Variants in MACROD2 observed in about 807,000 individuals in gnomAD.
The protein encoded by MACROD2 is mono-ADP ribosylhydrolase 2.
A neutral mutation model predicts 70.4 loss-of-function variants in MACROD2; 36 were observed. The ratio of observed to expected loss-of-function variants is 0.51; its 90% CI spans 0.39 to 0.68. MACROD2 has a LOEUF of 0.68. Ranked by LOEUF, MACROD2 falls within the 30% of genes least tolerant of loss-of-function variation. MACROD2 has a pLI of 0.00. For synonymous variants in MACROD2, 172 were observed against 178.8 expected (o/e 0.96, Z 0.30); for missense variants, 496 against 538.4 (o/e 0.92, Z 0.78).
chr20:15,466,404 T>A (rs1210311448), intron 7 of MACROD2, among the ~76,000 whole-genome samples: 2 of 152,182 alleles, frequency 1.3e-5, no homozygotes, highest in Non-Finnish European at 2.9e-5. Flanking sequence ...CAGCCATTGG[T>A]ATGGGGCAAA....
At chr20:14,585,623 C>G (rs1041379852) in intron 4 of MACROD2, among the ~76,000 whole-genome samples, 1 of 151,874 alleles carries the variant, frequency 6.6e-6, no homozygotes, top group Non-Finnish European at 1.5e-5. Context: ...GTAACTACTG[C>G]CAATAATCAA....
chr20:14,952,336 A>G (rs2074482695), intron 5 of MACROD2, among the ~76,000 whole-genome samples: 1 of 152,176 alleles, frequency 6.6e-6, no homozygotes, highest in South Asian at 2.1e-4. Context: ...AATAGTTCAA[A>G]GGAAATACAG....
intron 3 of MACROD2, among the ~76,000 whole-genome samples, chr20:14,283,503 T>C (rs1409055208): frequency 6.6e-6 from 1 of 152,220 alleles, no homozygotes; most frequent in Non-Finnish European, 1.5e-5. Flanking sequence ...GCCTTGGTTT[T>C]GCACTTACAG....
intron 3 of MACROD2, among the ~76,000 whole-genome samples, chr20:14,217,964 C>T (rs897086012): frequency 1.4e-4 from 22 of 152,026 alleles, no homozygotes; most frequent in South Asian, 8.3e-4. Flanking sequence ...AAGTTCCACG[C>T]GCTGTTGAAT....
chr20:14,191,223 G>A (rs1043206475), intron 3 of MACROD2, among the ~76,000 whole-genome samples: 8 of 152,166 alleles, frequency 5.3e-5, no homozygotes, highest in African/African-American at 1.7e-4. Context: ...CTCAGACACA[G>A]AAGCTCTACT....
chr20:14,725,816 C>G (rs1223963695), intron 5 of MACROD2, among the ~76,000 whole-genome samples: 1 of 152,116 alleles, frequency 6.6e-6, no homozygotes, highest in Non-Finnish European at 1.5e-5. Context: ...GAGGGCTGCT[C>G]TCTGGTGAGT....
intron 7 of MACROD2, among the ~76,000 whole-genome samples, chr20:15,489,428 C>T (rs950705436): frequency 6.6e-6 from 1 of 152,286 alleles, no homozygotes; most frequent in Non-Finnish European, 1.5e-5. Flanking sequence ...CAAATTTACA[C>T]GCTCCAGTCA....
intron 5 of MACROD2, among the ~76,000 whole-genome samples, chr20:15,130,051 A>G (rs2076094131): frequency 6.6e-6 from 1 of 152,084 alleles, no homozygotes; most frequent in African/African-American, 2.4e-5. Context: ...ATGAACATTA[A>G]ACAGTGTAAT....
chr20:15,796,166 A>T (rs2063671987), intron 8 of MACROD2, among the ~76,000 whole-genome samples: 1 of 152,220 alleles, frequency 6.6e-6, no homozygotes, highest in Non-Finnish European at 1.5e-5. Flanking sequence ...AGGAATGTAA[A>T]GAAATGGAAT....
intron 5 of MACROD2, among the ~76,000 whole-genome samples, chr20:14,819,291 CAAAA>C (rs935558128): frequency 1.3e-5 from 2 of 148,258 alleles, no homozygotes; most frequent in Non-Finnish European, 3.0e-5. Context: ...CAAAAACAAA[CAAAA>C]AACCCCCAAA....
intron 5 of MACROD2, among the ~76,000 whole-genome samples, chr20:15,186,648 G>T (rs1000905896): frequency 1.8e-4 from 28 of 152,214 alleles, no homozygotes; most frequent in African/African-American, 6.3e-4. Context: ...CAAAATCCTG[G>T]ACCCATGAAG....
At chr20:14,071,354 G>T in intron 2 of MACROD2, among the ~76,000 whole-genome samples, 1 of 135,764 alleles carries the variant, frequency 7.4e-6, no homozygotes, top group Non-Finnish European at 1.5e-5. Flanking sequence ...TCCGCCTCCC[G>T]GGTGCATGCC....
At chr20:15,452,417 C>T (rs140628018) in intron 7 of MACROD2, among the ~76,000 whole-genome samples, 1 of 152,254 alleles carries the variant, frequency 6.6e-6, no homozygotes, top group Admixed American at 6.5e-5. Context: ...GTTTGTTTCC[C>T]TGCCTGCCAG....
rs529165100 is a variant in MACROD2, at chr20:15,824,395, A to G, written c.646-38350A>G. On this transcript the variant is annotated intron_variant, in intron 8 of 17. Transcript: ENST00000684519. ...CTTGCCAGTGTATATTTCATTGGAA[A>G]AGTCTATAGGCTCTTGTAGAGATCT... 1.1e-3 allele frequency among the ~76,000 whole-genome samples: 161 copies of G among 152,300 alleles called. 1 individual carries two copies. Among genetic ancestry groups the G allele is most frequent in the Non-Finnish European group, 2.1e-3 (142 of 68,030 alleles).
intron 8 of MACROD2, among the ~76,000 whole-genome samples, chr20:15,705,189 A>G (rs2050515128): frequency 6.6e-6 from 1 of 152,210 alleles, no homozygotes; most frequent in Admixed American, 6.5e-5. Context: ...ATAAAATTTT[A>G]GTTGGTCTAA....
chr20:15,782,893 A>G (rs979301017), intron 8 of MACROD2, among the ~76,000 whole-genome samples: 20 of 151,860 alleles, frequency 1.3e-4, no homozygotes, highest in African/African-American at 4.4e-4. Context: ...AGTCTTTCCT[A>G]TCTTGTACTA....
intron 4 of MACROD2, among the ~76,000 whole-genome samples, chr20:14,596,527 A>C (rs1040318525): frequency 1.3e-5 from 2 of 151,628 alleles, no homozygotes; most frequent in Non-Finnish European, 2.9e-5. Context: ...AATTACTCAT[A>C]AAATTTATTA....
At chr20:14,930,153 C>A (rs1600840649) in intron 5 of MACROD2, among the ~76,000 whole-genome samples, 1 of 41,926 alleles carries the variant, frequency 2.4e-5, no homozygotes. Flanking sequence ...GAGAGTGAGA[C>A]TCCGTCTCAA....
chr20:15,529,843 C>A (rs2047773446), intron 8 of MACROD2, among the ~76,000 whole-genome samples: 2 of 152,000 alleles, frequency 1.3e-5, no homozygotes, highest in Non-Finnish European at 2.9e-5. Context: ...AGGGAATATA[C>A]AATGGGAGGT....
Sources: gnomAD v4.1 joint callset for allele counts (sites outside exome capture counted in the v4.1 genomes callset) on GRCh38, gnomAD v4.1.1 for gene constraint, MANE v1.5 for transcripts, NCBI Gene and HGNC (gene_info 2026-07-23, HGNC 2026-07-21) for gene names.